Variants in PARD3 observed in about 807,000 individuals in gnomAD.
PARD3 encodes par-3 family cell polarity regulator.
In PARD3, 75 loss-of-function variants were observed where a neutral mutation model predicts 155.4. The ratio of observed to expected loss-of-function variants is 0.48; its 90% CI spans 0.40 to 0.58. PARD3 has a LOEUF of 0.58. Among genes scored for constraint, PARD3 ranks in the 20% least tolerant of loss-of-function variants. The probability of loss-of-function intolerance (pLI) is 0.00; values close to 1 mark genes in which losing one functional copy is unlikely to be tolerated. For missense variants in PARD3, 1,642 were observed against 1,721.7 expected (o/e 0.95, Z 0.82); for synonymous variants, 576 against 610.5 (o/e 0.94, Z 0.83).
chr10:34,346,047 C>T, intron 15 of PARD3: 1 of 985,272 alleles, frequency 1.0e-6, no homozygotes, highest in African/African-American at 1.7e-5. Context: ...AATAGTAACG[C>T]ATTTGTCACC....
In PARD3 at chr10:34,687,311, CCT is replaced by C. The variant is rs539093428; in HGVS notation, c.222+9005_222+9006del. Among the ~76,000 whole-genome samples, 98 of 152,130 alleles carry C rather than the reference CCT, an allele frequency of 6.4e-4. 1 individual carries two copies. In the South Asian group the frequency reaches 0.016, roughly 25 times the overall value. On this transcript the variant is annotated intron_variant, in intron 2 of 24. Coordinates refer to ENST00000374788, the MANE Select transcript of PARD3 (RefSeq NM_001184785.2). Reference sequence around the variant, plus strand: ...GGCTGGGGAAGGATGGAAATGTGCCCCTGTTAGCTTTTCCTCAGCACGTGGAG... The same window carrying C: ...GGCTGGGGAAGGATGGAAATGTGCCCGTTAGCTTTTCCTCAGCACGTGGAG...
At chr10:34,296,071 C>A (rs1956895049) in intron 20 of PARD3, among the ~76,000 whole-genome samples, 1 of 152,120 alleles carries the variant, frequency 6.6e-6, no homozygotes, top group Non-Finnish European at 1.5e-5. Flanking sequence ...AGTCTAAATC[C>A]CAAATTCTCT....
intron 22 of PARD3, among the ~76,000 whole-genome samples, chr10:34,248,206 AAAG>A (rs1954081958): frequency 6.6e-6 from 1 of 152,230 alleles, no homozygotes; most frequent in Admixed American, 6.5e-5. Flanking sequence ...CTGGCAGAGA[AAAG>A]AAGGCTTATT....
At chr10:34,117,202 T>C (rs16935086) in intron 24 of PARD3, among the ~76,000 whole-genome samples, 1 of 152,212 alleles carries the variant, frequency 6.6e-6, no homozygotes, top group Admixed American at 6.5e-5. Flanking sequence ...CACTTTGTTA[T>C]GTTTCTCCTT....
chr10:34,225,827 G>A (rs1952571161), intron 22 of PARD3, among the ~76,000 whole-genome samples: 1 of 152,128 alleles, frequency 6.6e-6, no homozygotes, highest in African/African-American at 2.4e-5. Context: ...TTCTGGGATA[G>A]GGAAAGAGTT....
chr10:34,457,402 G>A (rs886069937), intron 4 of PARD3, among the ~76,000 whole-genome samples: 1 of 152,180 alleles, frequency 6.6e-6, no homozygotes, highest in African/African-American at 2.4e-5. Flanking sequence ...GACAGAGAAG[G>A]AAGCCATGAA....
rs1955845676 is a variant in PARD3, at chr10:34,275,767, G to A, written c.3177-5868C>T. Among the ~76,000 whole-genome samples the A allele has an allele frequency of 1.3e-5, 2 of 152,090 alleles. 1 individual carries two copies. Among genetic ancestry groups the A allele is most frequent in the South Asian group, 4.1e-4 (2 of 4,834 alleles). Reference sequence around the variant, plus strand: ...TAAGGAAACTTTGAAAAGATGGTGAGTATCTTGCAGTTGAGCCCTTAATGG... The same window carrying A: ...TAAGGAAACTTTGAAAAGATGGTGAATATCTTGCAGTTGAGCCCTTAATGG... On this transcript the variant is annotated intron_variant, in intron 21 of 24. Transcript: ENST00000374788.
chr10:34,656,515 C>T (rs181110257), intron 2 of PARD3, among the ~76,000 whole-genome samples: 4 of 152,198 alleles, frequency 2.6e-5, no homozygotes, highest in East Asian at 1.9e-4. Context: ...CGGAAGAAGG[C>T]GAGAGTGCTG....
intron 11 of PARD3, among the ~76,000 whole-genome samples, chr10:34,374,371 G>C (rs1339780174): frequency 6.6e-6 from 1 of 152,128 alleles, no homozygotes; most frequent in Non-Finnish European, 1.5e-5. Flanking sequence ...TAGCCATGAG[G>C]CTTATTGCCA....
chr10:34,390,158 A>G (rs1259934163), intron 7 of PARD3, among the ~76,000 whole-genome samples: 1 of 152,240 alleles, frequency 6.6e-6, no homozygotes, highest in African/African-American at 2.4e-5. Flanking sequence ...GTTCAAGAGC[A>G]TATTTATTCT....
At chr10:34,261,140 A>T (rs1217016363) in intron 22 of PARD3, among the ~76,000 whole-genome samples, 1 of 152,174 alleles carries the variant, frequency 6.6e-6, no homozygotes, top group Non-Finnish European at 1.5e-5. Context: ...TTTGAGGACA[A>T]TGCACTCCTG....
intron 1 of PARD3, among the ~76,000 whole-genome samples, chr10:34,810,289 CAT>C (rs1420769091): frequency 1.3e-5 from 2 of 152,104 alleles, no homozygotes; most frequent in Non-Finnish European, 2.9e-5. Context: ...ACGTAGGAAA[CAT>C]AAATTCTAAC....
intron 22 of PARD3, among the ~76,000 whole-genome samples, chr10:34,232,346 G>C: frequency 6.6e-6 from 1 of 152,062 alleles, no homozygotes; most frequent in East Asian, 1.9e-4. Flanking sequence ...GCTTGAAAAG[G>C]TCACAGTAAC....
chr10:34,796,984 C>CA (rs1477974172), intron 1 of PARD3, among the ~76,000 whole-genome samples: 5 of 151,660 alleles, frequency 3.3e-5, no homozygotes, highest in East Asian at 3.9e-4. Context: ...GATTCCATCT[C>CA]AAAAAAAATA....
chr10:34,608,537 T>TC (rs2090640229), intron 2 of PARD3, among the ~76,000 whole-genome samples: 3 of 148,068 alleles, frequency 2.0e-5, no homozygotes, highest in Admixed American at 2.0e-4. Flanking sequence ...AAGAATACTT[T>TC]TTTTTTTTTT....
intron 19 of PARD3, among the ~76,000 whole-genome samples, chr10:34,323,214 G>A (rs1156248706): frequency 1.3e-5 from 2 of 152,202 alleles, no homozygotes; most frequent in Non-Finnish European, 2.9e-5. Flanking sequence ...TGTAGGAAAT[G>A]AACAGCTAGT....
intron 2 of PARD3, among the ~76,000 whole-genome samples, chr10:34,550,533 T>C (rs910664658): frequency 2.6e-5 from 4 of 152,160 alleles, no homozygotes; most frequent in Non-Finnish European, 4.4e-5. Flanking sequence ...CTTTAATGTA[T>C]TGGAACCTTT....
At chr10:34,260,250 C>T (rs1408319204) in intron 22 of PARD3, among the ~76,000 whole-genome samples, 2 of 152,220 alleles carry the variant, frequency 1.3e-5, no homozygotes, top group Non-Finnish European at 2.9e-5. Context: ...GTTGGGATTA[C>T]AGGCGTGAGC....
At chr10:34,524,612 C>T (rs904028194) in intron 2 of PARD3, among the ~76,000 whole-genome samples, 1 of 152,200 alleles carries the variant, frequency 6.6e-6, no homozygotes, top group African/African-American at 2.4e-5. Context: ...ACTGACCCAC[C>T]TGCCAAATAT....
Sources: gnomAD v4.1 joint callset for allele counts (sites outside exome capture counted in the v4.1 genomes callset) on GRCh38, gnomAD v4.1.1 for gene constraint, MANE v1.5 for transcripts, NCBI Gene and HGNC (gene_info 2026-07-23, HGNC 2026-07-21) for gene names.